DNMBP: variants seen among roughly 807,000 people sequenced by gnomAD.
The protein encoded by DNMBP is dynamin binding protein.
In DNMBP, 87 loss-of-function variants were observed where a neutral mutation model predicts 150.0. The ratio of observed to expected loss-of-function variants is 0.58; its 90% CI spans 0.49 to 0.69. The LOEUF (loss-of-function observed/expected upper bound fraction) is 0.69, where lower values mean the gene tolerates loss of function less well. Ranked by LOEUF, DNMBP falls within the 30% of genes least tolerant of loss-of-function variation. The pLI, the probability that DNMBP is intolerant of heterozygous loss-of-function variation, is 0.00. For missense variants in DNMBP, 1,774 were observed against 1,949.0 expected (o/e 0.91, Z 1.69); for synonymous variants, 711 against 750.4 (o/e 0.95, Z 0.86).
intron 4 of DNMBP, among the ~76,000 whole-genome samples, chr10:99,927,980 C>T (rs1173676578): frequency 6.6e-6 from 1 of 152,122 alleles, no homozygotes; most frequent in Non-Finnish European, 1.5e-5. Flanking sequence ...AGGAACAATA[C>T]AAAAACCAAT....
intron 12 of DNMBP, among the ~76,000 whole-genome samples, chr10:99,887,630 T>C (rs1214546585): frequency 6.6e-6 from 1 of 152,186 alleles, no homozygotes; most frequent in Non-Finnish European, 1.5e-5. Context: ...TTAGTAGTAC[T>C]TAGTAGCATC....
At chr10:99,957,498 C>T (rs2040514220) in intron 3 of DNMBP, 2 of 374,712 alleles carry the variant, frequency 5.3e-6, no homozygotes, top group Non-Finnish European at 9.6e-6. Flanking sequence ...ACATATTTTA[C>T]TCTGCTGACT....
intron 1 of DNMBP, among the ~76,000 whole-genome samples, chr10:99,986,925 C>T (rs370427460): frequency 1.1e-4 from 17 of 152,118 alleles, no homozygotes; most frequent in Middle Eastern, 3.4e-3. Flanking sequence ...GAGGCCGAGG[C>T]GGGCGGATCA....
Position 99,973,134 on chromosome 10 carries a change from G to T in DNMBP, c.-10-1000C>A, listed in dbSNP as rs147678155. On this transcript the variant is annotated intron_variant, in intron 1 of 16. Coordinates refer to ENST00000324109, the MANE Select transcript of DNMBP (RefSeq NM_015221.4). ...ATTTGTAGAGATGAGATCTCACTTC[G>T]TTACCCAGGCTAGTGTTGAACTCCT... Among the ~76,000 whole-genome samples the T allele has an allele frequency of 2.6e-3, 388 of 151,540 alleles. 1 individual carries two copies. Among genetic ancestry groups the T allele is most frequent in the African/African-American group, 9.2e-3 (378 of 41,196 alleles).
rs9630094 is a variant in DNMBP, at chr10:99,904,169, C to G, written c.2554+3826G>C. Among the ~76,000 whole-genome samples the G allele has an allele frequency of 3.7e-3, 561 of 152,068 alleles. 5 individuals carry two copies. Among genetic ancestry groups the G allele is most frequent in the African/African-American group, 0.013 (522 of 41,480 alleles). ...ACTAGGGAGGCTGAGGTGGGAGGAT[C>G]GCTTGAGCCCAGAAGGTAGAGGCTG... On this transcript the variant is annotated intron_variant, in intron 6 of 16. Coordinates refer to ENST00000324109, the MANE Select transcript of DNMBP (RefSeq NM_015221.4).
intron 7 of DNMBP, among the ~76,000 whole-genome samples, chr10:99,899,269 AC>A (rs2133227994): frequency 6.6e-6 from 1 of 152,112 alleles, no homozygotes; most frequent in Non-Finnish European, 1.5e-5. Flanking sequence ...ATATCTTTAT[AC>A]CTTGCTTCCC....
At chr10:99,968,060 G>T (rs780224854) in intron 3 of DNMBP, among the ~76,000 whole-genome samples, 16 of 152,274 alleles carry the variant, frequency 1.1e-4, no homozygotes, top group Middle Eastern at 3.4e-3. Flanking sequence ...CACCCAGGCT[G>T]GAGTGCAGTG....
intron 1 of DNMBP, among the ~76,000 whole-genome samples, chr10:99,990,052 T>A (rs1451803498): frequency 1.3e-5 from 2 of 152,202 alleles, no homozygotes; most frequent in Admixed American, 6.6e-5. Context: ...CCGTAAATAT[T>A]TGCATGATGA....
chr10:99,977,836 CAA>C (rs1398210402), intron 1 of DNMBP, among the ~76,000 whole-genome samples: 2 of 152,144 alleles, frequency 1.3e-5, no homozygotes, highest in African/African-American at 4.8e-5. Flanking sequence ...ATCAAAATCT[CAA>C]GTTTTACTTA....
At position 99,903,602 on chromosome 10, in the gene DNMBP, G is replaced by C. The variant is rs145472141; in HGVS notation, c.2555-3536C>G. 3.0e-3 allele frequency among the ~76,000 whole-genome samples: 453 copies of C among 152,196 alleles called. 3 individuals carry two copies. Among genetic ancestry groups the C allele is most frequent in the African/African-American group, 0.01 (433 of 41,534 alleles). On this transcript the variant is annotated intron_variant, in intron 6 of 16. Coordinates refer to ENST00000324109, the MANE Select transcript of DNMBP (RefSeq NM_015221.4). ...CCACCTTGGCCTCCCAAAGTGCTAG[G>C]ATTACAGGCGTGGGCCACCGTGCCT...
chr10:99,966,721 AAAGTG>A (rs2040622431), intron 3 of DNMBP, among the ~76,000 whole-genome samples: 1 of 152,218 alleles, frequency 6.6e-6, no homozygotes, highest in Non-Finnish European at 1.5e-5. Context: ...GACTGAGTAT[AAAGTG>A]AAGTGTAAGA....
chr10:99,924,419 G>C (rs565597335), intron 4 of DNMBP, among the ~76,000 whole-genome samples: 3 of 152,288 alleles, frequency 2.0e-5, no homozygotes, highest in African/African-American at 7.2e-5. Flanking sequence ...CTCCAGCCCG[G>C]GCGACAGAGC....
At chr10:99,964,135 CTT>C (rs895801002) in intron 3 of DNMBP, among the ~76,000 whole-genome samples, 855 of 87,188 alleles carry the variant, frequency 9.8e-3, no homozygotes, top group Middle Eastern at 0.033. Context: ...TATTCTCTCT[CTT>C]TTTTTTTTTT....
At chr10:99,892,958 C>T (rs1315907824) in intron 11 of DNMBP, among the ~76,000 whole-genome samples, 1 of 152,110 alleles carries the variant, frequency 6.6e-6, no homozygotes, top group African/African-American at 2.4e-5. Flanking sequence ...AGACAAAGGA[C>T]TATATCCTCC....
intron 3 of DNMBP, among the ~76,000 whole-genome samples, chr10:99,966,960 A>ATTTT (rs769272006): frequency 7.3e-6 from 1 of 136,856 alleles, no homozygotes. Context: ...GGCTAATTTA[A>ATTTT]TTTTTTTTTT....
Position 99,900,070 on chromosome 10 carries a change from T to A in DNMBP, c.2555-4A>T, listed in dbSNP as rs1201440790. ...CGGTGACCAAGAAACACAGGTCCTT[T>A]GGAATACACACAAACATACAGTGTT... On this transcript the variant is annotated splice_region_variant and splice_polypyrimidine_tract_variant and intron_variant, in intron 6 of 16. Coordinates refer to ENST00000324109, the MANE Select transcript of DNMBP (RefSeq NM_015221.4). The A allele has an allele frequency of 6.2e-7, 1 of 1,614,108 alleles. No individual in the cohort carries two copies. Among genetic ancestry groups the A allele is most frequent in the East Asian group, 2.2e-5 (1 of 44,872 alleles).
At chr10:99,877,601 T>A (rs1475265479) in intron 16 of DNMBP, among the ~76,000 whole-genome samples, 1 of 152,148 alleles carries the variant, frequency 6.6e-6, no homozygotes, top group Non-Finnish European at 1.5e-5. Context: ...CGGTGGCTCA[T>A]GCCTGTAATC....
chr10:99,917,140 C>T (rs557874654), intron 4 of DNMBP, among the ~76,000 whole-genome samples: 1 of 152,234 alleles, frequency 6.6e-6, no homozygotes, highest in South Asian at 2.1e-4. Context: ...GTGGATCACC[C>T]GAGGTCAGGA....
rs115117818 is a variant in DNMBP at position 99,894,948 on chromosome 10, G to A, written c.3154C>T (p.Arg1052Trp). The A allele has an allele frequency of 7.2e-5, 116 of 1,610,038 alleles. No homozygotes were observed. The East Asian group carries it at 1.2e-3, about 17-fold the overall frequency. Reference protein sequence around the residue: ...RDLSLYLQHIRESACVKVVAA... With the variant: ...RDLSLYLQHIWESACVKVVAA... Reference sequence around the variant, plus strand: ...ACTACAGTGATGTTGATGCTCACCCGGATGTGCTGGAGGTAGAGAGACAGG... The same window carrying A: ...ACTACAGTGATGTTGATGCTCACCCAGATGTGCTGGAGGTAGAGAGACAGG... Residue 1052 changes from arginine to tryptophan, a missense_variant and splice_region_variant, in exon 11 of 17, where the codon CGG (arginine) becomes TGG (tryptophan). By Grantham distance (101) the Arg-to-Trp change is moderately radical (BLOSUM62 -3). Transcript: ENST00000324109.
Sources: allele counts gnomAD v4.1 joint callset (sites outside exome capture counted in the v4.1 genomes callset), GRCh38; gene constraint gnomAD v4.1.1; transcripts MANE v1.5; gene names NCBI Gene and HGNC (gene_info 2026-07-23, HGNC 2026-07-21).